Variants in TNRC18 observed in about 807,000 individuals in gnomAD.
The protein encoded by TNRC18 is trinucleotide repeat containing 18.
In TNRC18, 69 loss-of-function variants were observed where a neutral mutation model predicts 226.7. The observed-to-expected ratio is 0.30, with a 90% CI of 0.25 to 0.37. The LOEUF (loss-of-function observed/expected upper bound fraction) is 0.37. TNRC18 is among the 10% of genes least tolerant of loss of function. The pLI is 1.00. For synonymous variants in TNRC18, 2,449 were observed against 1,927.6 expected, an observed-to-expected ratio of 1.27 and a Z score of -7.09; for missense variants, 4,754 against 4,256.6, an observed-to-expected ratio of 1.12 and a Z score of -3.25.
intron 4 of TNRC18, 58 bp from the exon 5 acceptor site, chr7:5,389,394 C>G: frequency 8.2e-7 from 1 of 1,223,750 alleles, no homozygotes; most frequent in Non-Finnish European, 1.0e-6. Context: ...CCACCCCTGC[C>G]TGGGCGGAGG....
chr7:5,361,513 C>T (rs888383983), intron 14 of TNRC18, 81 bp downstream of exon 14: 141 of 1,410,794 alleles, frequency 1.0e-4, no homozygotes, highest in Middle Eastern at 2.6e-4. Flanking sequence ...CCCAGCACCC[C>T]GAGGCAGGCC....
At chr7:5,352,926 G>A (rs779798478) in intron 16 of TNRC18, among the ~76,000 whole-genome samples, 10 of 152,242 alleles carry the variant, frequency 6.6e-5, no homozygotes, top group African/African-American at 2.2e-4. Flanking sequence ...CGGGGGGAAC[G>A]TGAACCAACA....
At chr7:5,389,446 A>G (rs1437197169) in intron 4 of TNRC18, 110 bp from the exon 5 acceptor site, 2 of 768,392 alleles carry the variant, frequency 2.6e-6, no homozygotes, top group Non-Finnish European at 3.2e-6. Context: ...TGCCTCCCCC[A>G]GTGTTTTGGT....
At chr7:5,317,734 G>A (rs1787994631) in intron 24 of TNRC18, among the ~76,000 whole-genome samples, 1 of 148,450 alleles carries the variant, frequency 6.7e-6, no homozygotes, top group South Asian at 2.1e-4. Flanking sequence ...TTGAGATGGT[G>A]TCATTCTGTC....
At chr7:5,323,225 G>A (rs1386268682) in intron 21 of TNRC18, among the ~76,000 whole-genome samples, 36 of 151,946 alleles carry the variant, frequency 2.4e-4, no homozygotes, top group Admixed American at 2.4e-3. Context: ...CCACGATTTC[G>A]CCTCTGGGCT....
intron 2 of TNRC18, chr7:5,420,495 C>G (rs750649689): frequency 2.2e-6 from 1 of 449,006 alleles, no homozygotes; most frequent in South Asian, 1.6e-5. Flanking sequence ...AGGGGCATCC[C>G]GCCCGCCCCG....
Position 5,388,060 on chromosome 7 carries a change from A to T in TNRC18, c.1764T>A (p.Leu588=). ...GGGCAAAGCTGCCACTGTACTTTATAAGGCTCTGCATGGCCGAGGCCTCTC... is the reference window on the plus strand; with the variant it reads ...GGGCAAAGCTGCCACTGTACTTTATTAGGCTCTGCATGGCCGAGGCCTCTC... ...GSGEASAMQS[L]IKYSGSFARD... The change falls in exon 5 of 30, where the codon CTT becomes CTA. Residue 588 remains leucine, a synonymous_variant. Transcript: ENST00000430969. The T allele has an allele frequency of 6.4e-7, 1 of 1,559,082 alleles. No individual in the cohort carries two copies.
chr7:5,349,657 T>C (rs1404008868), intron 17 of TNRC18, among the ~76,000 whole-genome samples: 1 of 152,206 alleles, frequency 6.6e-6, no homozygotes, highest in Non-Finnish European at 1.5e-5. Context: ...CCGTCTGCCC[T>C]ACTCCCAGCC....
chr7:5,337,844 G>A (rs546899884), intron 18 of TNRC18, among the ~76,000 whole-genome samples: 26 of 152,102 alleles, frequency 1.7e-4, no homozygotes, highest in Admixed American at 7.9e-4. Context: ...TTAGCCAGGC[G>A]AGGTGGGAGG....
chr7:5,332,720 T>C lies in TNRC18; in HGVS notation c.6049A>G (p.Thr2017Ala). The change falls in exon 19 of 30, where the codon ACC becomes GCC. Residue 2017 changes from threonine (T) to alanine (A), a missense_variant. Thr to Ala is a moderately conservative substitution (Grantham distance 58). Coordinates refer to ENST00000430969, the MANE Select transcript of TNRC18 (RefSeq NM_001080495.3). ...ASAAAPAPVS[T>A]APATKTSRCA... ...CGGCTGGTCTTGGTGGCGGGCGCGG[T>C]GCTGACGGGCGCAGGTGCAGCAGCC... 6.5e-7 allele frequency: 1 copy of C among 1,526,874 alleles called. No homozygotes were observed. The highest frequency in any genetic ancestry group is 8.8e-7 in the Non-Finnish European group (1 of 1,141,464). The allele number at this position is 1,526,874 out of a possible 1,614,324, so 94.6% of individuals were successfully genotyped here.
intron 2 of TNRC18, among the ~76,000 whole-genome samples, chr7:5,405,669 G>C (rs1479966558): frequency 6.6e-6 from 1 of 152,184 alleles, no homozygotes; most frequent in Non-Finnish European, 1.5e-5. Context: ...CGTGAACCCA[G>C]GAGGGGGAGG....
intron 2 of TNRC18, chr7:5,420,621 G>A (rs769587577): frequency 8.7e-6 from 4 of 459,580 alleles, no homozygotes; most frequent in South Asian, 1.5e-5. Flanking sequence ...GTGGAGCTGG[G>A]AACAGAACCC....
chr7:5,314,320 C>T (rs1238855176), intron 26 of TNRC18, among the ~76,000 whole-genome samples: 1 of 152,170 alleles, frequency 6.6e-6, no homozygotes, highest in African/African-American at 2.4e-5. Flanking sequence ...CAGAACCTGG[C>T]TGCAGCCTTC....
Position 5,309,126 on chromosome 7 carries a change from G to C in TNRC18, c.8625+6C>G, listed in dbSNP as rs1324157692. 6.2e-7 allele frequency: 1 copy of C among 1,603,386 alleles called. No individual in the cohort carries two copies. Among genetic ancestry groups the C allele is most frequent in the Non-Finnish European group, 8.5e-7 (1 of 1,175,744 alleles). On this transcript the variant is annotated splice_donor_region_variant and intron_variant, in intron 28 of 29. Coordinates refer to ENST00000430969, the MANE Select transcript of TNRC18 (RefSeq NM_001080495.3). This position sits in a 1 kb window ranked among gnomAD's most constrained non-coding sequence, Gnocchi z 5.7. ...ACTGGGGGCCGCAGCCGGGCCGCAG[G>C]CTCACCTGGCCCTGGTGGAACTGCT...
intron 19 of TNRC18, among the ~76,000 whole-genome samples, chr7:5,326,853 A>G (rs1443148740): frequency 6.6e-6 from 1 of 151,528 alleles, no homozygotes; most frequent in African/African-American, 2.4e-5. Flanking sequence ...GGCCAGGTGC[A>G]GTGGCTCCTG....
At chr7:5,319,462 C>T (rs548177658) in intron 24 of TNRC18, among the ~76,000 whole-genome samples, 1 of 152,340 alleles carries the variant, frequency 6.6e-6, no homozygotes, top group African/African-American at 2.4e-5. Context: ...CTGATATCCA[C>T]ACCTACATTT....
In TNRC18 at chr7:5,316,108, G is replaced by C. The variant is rs779088934; in HGVS notation, c.6746-36C>G. On this transcript the variant is annotated intron_variant, in intron 24 of 29. Coordinates refer to ENST00000430969, the MANE Select transcript of TNRC18 (RefSeq NM_001080495.3). ...AGGGGAGGCTCAGGGGAGGCCCTCGGACCTCCAGCTCCCTAGTGACGCACA... is the reference window on the plus strand; with the variant it reads ...AGGGGAGGCTCAGGGGAGGCCCTCGCACCTCCAGCTCCCTAGTGACGCACA... The C allele has an allele frequency of 1.9e-5, 29 of 1,537,726 alleles. No homozygotes were observed. In the South Asian group the frequency reaches 3.3e-4, roughly 18 times the overall value.
At position 5,345,517 on chromosome 7, in the gene TNRC18, G is replaced by GGCCCCCCCCCCCCCCCCC; in HGVS notation, c.5719+44_5719+45insGGGGGGGGGGGGGGGGGC. 1.3e-4 allele frequency: 50 copies of GGCCCCCCCCCCCCCCCCC among 377,740 alleles called. 4 individuals carry two copies. Among genetic ancestry groups the GGCCCCCCCCCCCCCCCCC allele is most frequent in the Middle Eastern group, 7.4e-4 (1 of 1,360 alleles). The allele number at this position is 377,740 out of a possible 1,614,324, so 23.4% of individuals were successfully genotyped here. A position where few individuals can be genotyped will look rare whatever the true frequency, so the allele number is the denominator to read the frequency against. On this transcript the variant is annotated intron_variant, in intron 18 of 29. Transcript: ENST00000430969. ...CCTGTGGGATGGGGCAATGGCGTCC[G>GGCCCCCCCCCCCCCCCCC]CCCCTCCCACCCACCCCCACCGCAG...
Position 5,388,987 on chromosome 7 carries a change from C to A in TNRC18, c.837G>T (p.Ser279=). The part of the protein sequence containing the change: ...SKTKNAALQP[S]VLTMCNGGAG... Reference sequence around the variant, plus strand: ...CGCCGCCGTTGCACATGGTCAGTACCGACGGCTGCAGCGCCGCATTCTTGG... The same window carrying A: ...CGCCGCCGTTGCACATGGTCAGTACAGACGGCTGCAGCGCCGCATTCTTGG... The change falls in exon 5 of 30, where the codon TCG becomes TCT. Residue 279 remains serine (S), a synonymous_variant. Transcript: ENST00000430969. The A allele has an allele frequency of 7.3e-7, 1 of 1,374,392 alleles. No homozygotes were observed. The highest frequency in any genetic ancestry group is 3.6e-5 in the East Asian group (1 of 27,666). The allele number at this position is 1,374,392 out of a possible 1,614,324, so 85.1% of individuals were successfully genotyped here.
Sources: allele counts gnomAD v4.1 joint callset (sites outside exome capture counted in the v4.1 genomes callset), GRCh38; gene constraint gnomAD v4.1.1; non-coding constraint Gnocchi (gnomAD v3.1); transcripts MANE v1.5; gene names NCBI Gene and HGNC (gene_info 2026-07-23, HGNC 2026-07-21).